The following ADGRG2 variants were observed in gnomAD, a reference collection of about 807,000 sequenced individuals.
ADGRG2 encodes the protein adhesion G protein-coupled receptor G2, also known as G protein-coupled receptor 64.
ADGRG2 carries 26 observed loss-of-function variants against 74.1 expected under a neutral mutation model. The observed-to-expected ratio is 0.35, with a 90% CI of 0.26 to 0.49. The LOEUF (loss-of-function observed/expected upper bound fraction) is 0.49. ADGRG2 is among the 20% of genes least tolerant of loss of function. The probability of loss-of-function intolerance (pLI) is 0.99; values close to 1 mark genes in which losing one functional copy is unlikely to be tolerated. For synonymous variants in ADGRG2, 296 were observed against 295.2 expected (o/e 1.00, Z -0.03); for missense variants, 619 against 763.1 (o/e 0.81, Z 2.22).
At chrX:19,012,630 CAAAAAAA>C (rs71924946) in intron 16 of ADGRG2, among the ~76,000 whole-genome samples, 968 of 33,065 alleles carry the variant, frequency 0.029, 20 homozygotes, top group African/African-American at 0.087. Context: ...CCAAAGCTAC[CAAAAAAA>C]AAAAAAAAAA....
At chrX:19,118,280 A>G (rs1340271631) in intron 1 of ADGRG2, among the ~76,000 whole-genome samples, 1 of 113,017 alleles carries the variant, frequency 8.8e-6, no homozygotes, top group Non-Finnish European at 1.9e-5. Flanking sequence ...AAAGTTCAGT[A>G]AAATGGCTTG....
chrX:19,082,820 T>A (rs2061874351), intron 1 of ADGRG2, 74 bp from the exon 2 acceptor site: 1 of 112,390 alleles, frequency 8.9e-6, no homozygotes, highest in African/African-American at 3.2e-5. Flanking sequence ...AGCATAATAC[T>A]TCAATACTGC....
At chrX:19,059,399 T>A (rs1269336246) in intron 3 of ADGRG2, among the ~76,000 whole-genome samples, 1 of 111,526 alleles carries the variant, frequency 9.0e-6, no homozygotes, top group East Asian at 2.8e-4. Context: ...ACCTAGAAAG[T>A]CACTCCATTG....
At chrX:19,033,676 A>G (rs2060874702) in intron 7 of ADGRG2, 22 bp from the exon 8 acceptor site, 2 of 652,432 alleles carry the variant, frequency 3.1e-6, no homozygotes, top group Admixed American at 2.8e-5. Flanking sequence ...CAACTTAAAT[A>G]TTAGAGAATA....
intron 1 of ADGRG2, among the ~76,000 whole-genome samples, chrX:19,121,939 T>C (rs1312400078): frequency 4.5e-5 from 5 of 111,578 alleles, no homozygotes; most frequent in Admixed American, 2.8e-4. Context: ...CGTCCCTCGG[T>C]GCCCGGGGCC....
chrX:19,041,436 A>C (rs2061061684), intron 3 of ADGRG2, among the ~76,000 whole-genome samples: 1 of 112,189 alleles, frequency 8.9e-6, no homozygotes, highest in Non-Finnish European at 1.9e-5. Context: ...TTATACATTA[A>C]AAAAATTAAT....
At chrX:19,075,800 G>A (rs1457242525) in intron 2 of ADGRG2, among the ~76,000 whole-genome samples, 1 of 110,874 alleles carries the variant, frequency 9.0e-6, no homozygotes, top group Non-Finnish European at 1.9e-5. Flanking sequence ...TATCTTTGAA[G>A]AATGAGGGCA....
At chrX:19,013,038 G>A (rs946226364) in intron 16 of ADGRG2, among the ~76,000 whole-genome samples, 7 of 111,060 alleles carry the variant, frequency 6.3e-5, no homozygotes, top group African/African-American at 2.0e-4. Flanking sequence ...TAGAACAGGC[G>A]GAGGCAGAAG....
chrX:19,066,742 G>A (rs1435010622), intron 3 of ADGRG2, among the ~76,000 whole-genome samples: 2 of 111,116 alleles, frequency 1.8e-5, no homozygotes, highest in Non-Finnish European at 3.8e-5. Flanking sequence ...GGGATTACAG[G>A]TGTGAACCTC....
intron 10 of ADGRG2, among the ~76,000 whole-genome samples, chrX:19,027,922 A>T (rs971774149): frequency 8.9e-6 from 1 of 112,605 alleles, no homozygotes; most frequent in African/African-American, 3.2e-5. Context: ...TTTAACTGGC[A>T]GTAGAATTGC....
At chrX:18,999,991 ATTTTTTTTTTTT>A in intron 24 of ADGRG2, 31 bp from the exon 25 acceptor site, 2 of 568,913 alleles carry the variant, frequency 3.5e-6, no homozygotes, top group Non-Finnish European at 5.5e-6. Flanking sequence ...GTCACACCTA[ATTTTTTTTTTTT>A]TTTTTTTTGA....
At chrX:19,003,278 C>T (rs976020111) in intron 23 of ADGRG2, among the ~76,000 whole-genome samples, 164 bp from the exon 24 acceptor site, 29 of 111,373 alleles carry the variant, frequency 2.6e-4, no homozygotes, top group African/African-American at 9.5e-4. Flanking sequence ...GATCTTCCCA[C>T]CTCAGTCTCC....
intron 15 of ADGRG2, among the ~76,000 whole-genome samples, chrX:19,018,704 G>A (rs1414910916): frequency 9.0e-6 from 1 of 111,454 alleles, no homozygotes; most frequent in Non-Finnish European, 1.9e-5. Flanking sequence ...GAACTTTTTC[G>A]TATTTAACTA....
intron 1 of ADGRG2, among the ~76,000 whole-genome samples, chrX:19,111,990 G>A (rs1019286790): frequency 4.5e-5 from 5 of 110,315 alleles, no homozygotes; most frequent in Non-Finnish European, 9.5e-5. Context: ...TACTAGAGTC[G>A]AAAATTATTA....
chrX:19,122,136 G>A (rs1349540281), intron 1 of ADGRG2, among the ~76,000 whole-genome samples: 1 of 112,739 alleles, frequency 8.9e-6, no homozygotes, highest in Non-Finnish European at 1.9e-5. Context: ...GGGAAAGTAC[G>A]GCTCCGTCCG....
chrX:19,112,454 G>C lies in ADGRG2; in HGVS notation c.-47+9988C>G, dbSNP rs765021251. 2.7e-5 allele frequency among the ~76,000 whole-genome samples: 3 copies of C among 110,419 alleles called. No individual in the cohort carries two copies. In the South Asian group the frequency reaches 1.2e-3, roughly 43 times the overall value. On this transcript the variant is annotated intron_variant, in intron 1 of 28. Coordinates refer to ENST00000379869, the MANE Select transcript of ADGRG2 (RefSeq NM_001079858.3). Reference sequence around the variant, plus strand: ...AAGAAAAACCAATAACTACACAGTGGAGAAATTAGACAATGCCCTGGCCAA... The same window carrying C: ...AAGAAAAACCAATAACTACACAGTGCAGAAATTAGACAATGCCCTGGCCAA...
Position 19,097,604 on chromosome X carries a change from A to C in ADGRG2, c.-46-14858T>G, listed in dbSNP as rs143470132. ...CAGGAATCCGGGGCCTGGGGGAGAA[A>C]GTGTGAATGCTATTTGAGGGACCAA... On this transcript the variant is annotated intron_variant, in intron 1 of 28. Transcript: ENST00000379869. Among the ~76,000 whole-genome samples, 306 of 112,122 alleles carry C rather than the reference A, an allele frequency of 2.7e-3. 2 individuals are homozygous for C. The highest frequency in any genetic ancestry group is 4.6e-3 in the Non-Finnish European group (247 of 53,198).
At chrX:19,074,807 T>C (rs749909985) in intron 2 of ADGRG2, among the ~76,000 whole-genome samples, 5 of 107,232 alleles carry the variant, frequency 4.7e-5, no homozygotes, top group Non-Finnish European at 9.6e-5. Context: ...CTGACCTCAG[T>C]TGATCCACCC....
Position 19,013,738 on chromosome X carries a change from G to A in ADGRG2, c.1047C>T (p.Thr349=), listed in dbSNP as rs764671497. The change falls in exon 16 of 29, where the codon ACC becomes ACT. Residue 349 remains threonine (T), a synonymous_variant. Transcript: ENST00000379869. The part of the protein sequence containing the change: ...PPVKASFSSP[T]VSAPANVNTT... ...TGTTGACATTCGCAGGGGCAGACAC[G>A]GTGGGAGAGGAAAATGAGGCTTTCA... The A allele has an allele frequency of 2.3e-5, 27 of 1,199,755 alleles. No individual in the cohort carries two copies. The East Asian group carries it at 2.4e-4, about 11-fold the overall frequency.
Sources: allele counts gnomAD v4.1 joint callset (sites outside exome capture counted in the v4.1 genomes callset), GRCh38; gene constraint gnomAD v4.1.1; transcripts MANE v1.5; gene names NCBI Gene and HGNC (gene_info 2026-07-23, HGNC 2026-07-21).